Variants in WDR72 observed in about 807,000 individuals in gnomAD.
WDR72 encodes WD repeat domain 72.
A neutral mutation model predicts 124.2 loss-of-function variants in WDR72; 120 were observed. The ratio of observed to expected loss-of-function variants is 0.97; its 90% CI spans 0.83 to 1.12. WDR72 has a LOEUF of 1.12. Ranked by LOEUF, WDR72 falls within the 50% of genes most tolerant of loss-of-function variation. WDR72 has a pLI of 0.00. For missense variants in WDR72, 1,387 were observed against 1,278.8 expected, an observed-to-expected ratio of 1.08 and a Z score of -1.29; for synonymous variants, 452 against 441.7, an observed-to-expected ratio of 1.02 and a Z score of -0.29.
chr15:53,641,032 C>T (rs114704839), intron 14 of WDR72, among the ~76,000 whole-genome samples: 2,630 of 151,590 alleles, frequency 0.017, 80 homozygotes, highest in African/African-American at 0.061. Flanking sequence ...AATTTTGCCT[C>T]TTAGATCTTT....
chr15:53,657,695 A>G lies in WDR72; in HGVS notation c.1962+7877T>C, dbSNP rs151276037. Among the ~76,000 whole-genome samples the G allele has an allele frequency of 1.0e-3, 153 of 152,306 alleles. 1 individual carries two copies. In the East Asian group the frequency reaches 0.025, roughly 25 times the overall value. ...CTAAGTTTAGTACTAAATAAATGATATAAATATTTATTCACTGAAAAATCT... is the reference window on the plus strand; with the variant it reads ...CTAAGTTTAGTACTAAATAAATGATGTAAATATTTATTCACTGAAAAATCT... On this transcript the variant is annotated intron_variant, in intron 14 of 19. Coordinates refer to ENST00000360509, the MANE Select transcript of WDR72 (RefSeq NM_182758.4).
chr15:53,712,657 G>T, intron 7 of WDR72, 115 bp downstream of exon 7: 1 of 1,081,340 alleles, frequency 9.2e-7, no homozygotes, highest in Non-Finnish European at 1.3e-6. Flanking sequence ...TCCATGTTCT[G>T]GTAATACTAT....
rs1268925210 is a variant in WDR72, at chr15:53,705,156, A to T, written c.1180T>A (p.Tyr394Asn). 6.8e-6 allele frequency: 11 copies of T among 1,614,020 alleles called. No homozygotes were observed. The highest frequency in any genetic ancestry group is 2.7e-5 in the African/African-American group (2 of 74,936). The stretch of plus-strand genomic sequence containing the variant: ...GCCCCATCTTTAAGCCCAGAGAAAT[A>T]GTCAATAATACTTTGTGACATAGTA... ...HDTMSQSIID[Y>N]FSGLKDGAGT... The change falls in exon 11 of 20, where the codon TAT (tyrosine) becomes AAT (asparagine). Residue 394 changes from tyrosine to asparagine, a missense_variant. Physicochemically the swap from Tyr to Asn is moderately radical, Grantham distance 143. Transcript: ENST00000360509.
chr15:53,695,964 C>T (rs369632710), intron 13 of WDR72, among the ~76,000 whole-genome samples: 7 of 152,286 alleles, frequency 4.6e-5, no homozygotes, highest in Non-Finnish European at 7.3e-5. Context: ...ACTCCCCAAG[C>T]TCCCACCAAG....
rs373781318 is a variant in WDR72, at chr15:53,740,762, A to C, written c.-12-7601T>G. 1.7e-4 allele frequency among the ~76,000 whole-genome samples: 26 copies of C among 152,310 alleles called. No homozygotes were observed. In the East Asian group the frequency reaches 4.1e-3, roughly 24 times the overall value. ...ATTATTTTTAAGCTCTGTATACCAA[A>C]AGAGAGGGAGTGGATTAAGAGTGTA... is the stretch of plus-strand genomic sequence containing the variant. On this transcript the variant is annotated intron_variant, in intron 1 of 19. Transcript: ENST00000360509.
chr15:53,748,753 T>A (rs113971421), intron 1 of WDR72, among the ~76,000 whole-genome samples: 4 of 152,348 alleles, frequency 2.6e-5, no homozygotes, highest in African/African-American at 7.2e-5. Context: ...ATATCCATAC[T>A]AGTCTCCTCT....
chr15:53,663,023 C>T (rs1454595994), intron 14 of WDR72, among the ~76,000 whole-genome samples: 2 of 151,318 alleles, frequency 1.3e-5, no homozygotes, highest in Non-Finnish European at 2.9e-5. Flanking sequence ...GGGCTATGAT[C>T]GTGCCACTGC....
At chr15:53,605,042 T>C (rs946860681) in intron 17 of WDR72, among the ~76,000 whole-genome samples, 1 of 152,166 alleles carries the variant, frequency 6.6e-6, no homozygotes, top group Non-Finnish European at 1.5e-5. Context: ...TGAACATGTA[T>C]GTTCATTGCA....
At position 53,515,004 on chromosome 15, in the gene WDR72, A is replaced by G. The variant is rs1286368845; in HGVS notation, c.*2695T>C. 2.4e-5 allele frequency: 1 copy of G among 40,928 alleles called. No homozygotes were observed. Among genetic ancestry groups the G allele is most frequent in the Non-Finnish European group, 6.6e-5 (1 of 15,162 alleles). 2.5% of individuals were successfully genotyped at this position (40,928 alleles called of 1,614,324 possible). A position where few individuals can be genotyped will look rare whatever the true frequency, so the allele number is the denominator to read the frequency against. On this transcript the variant is annotated 3_prime_UTR_variant, in exon 20 of 20. Coordinates refer to ENST00000360509, the MANE Select transcript of WDR72 (RefSeq NM_182758.4). ...AAAATATGATATTCCTTTGGGGGAT[A>G]TGCCATATATATATATATATACACA...
intron 17 of WDR72, among the ~76,000 whole-genome samples, chr15:53,603,868 G>A (rs1199084861): frequency 6.6e-6 from 1 of 152,142 alleles, no homozygotes; most frequent in East Asian, 1.9e-4. Flanking sequence ...CCATGTTCAT[G>A]AATAGGAAGA....
intron 1 of WDR72, among the ~76,000 whole-genome samples, chr15:53,747,375 G>A (rs1398329668): frequency 2.6e-5 from 4 of 152,038 alleles, no homozygotes; most frequent in Admixed American, 6.6e-5. Flanking sequence ...CAACATCAAC[G>A]CCAAGCTCCT....
In WDR72 at chr15:53,710,902, G is replaced by T. The variant is rs2017514799; in HGVS notation, c.909C>A (p.Thr303=). 6.2e-7 allele frequency: 1 copy of T among 1,613,690 alleles called. No individual in the cohort carries two copies. Among genetic ancestry groups the T allele is most frequent in the Non-Finnish European group, 8.5e-7 (1 of 1,179,860 alleles). ...TAGAGCACAGTAAATGAGGATAAAT[G>T]GTCTCTTTAAGCACTCTTCCATCAG... ...YPADGRVLKE[T]IYPHLLCSTS... is the part of the protein sequence containing the mutation. Residue 303 remains threonine (T), a synonymous_variant, in exon 9 of 20, where the codon ACC becomes ACA. Transcript: ENST00000360509.
chr15:53,597,212 T>C lies in WDR72; in HGVS notation c.3015A>G (p.Gly1005=). 6.2e-7 allele frequency: 1 copy of C among 1,613,866 alleles called. No homozygotes were observed. The highest frequency in any genetic ancestry group is 8.5e-7 in the Non-Finnish European group (1 of 1,179,856). ...CTGGTTGACTATTGACGGGTATCTT[T>C]CCCAAACTCTTCATGTGTTGTTGAA... is the stretch of plus-strand genomic sequence containing the variant. ...AEVQQHMKSL[G]KIPVNSQPVS... The change falls in exon 18 of 20, where the codon GGA becomes GGG. Residue 1005 remains glycine (G), a synonymous_variant. Transcript: ENST00000360509.
chr15:53,743,065 C>T (rs1290534383), intron 1 of WDR72, among the ~76,000 whole-genome samples: 2 of 152,070 alleles, frequency 1.3e-5, no homozygotes, highest in Non-Finnish European at 2.9e-5. Flanking sequence ...CTTCAGGAAG[C>T]TCACAGCCAG....
chr15:53,634,841 G>A (rs568272919), intron 14 of WDR72, among the ~76,000 whole-genome samples: 1 of 152,296 alleles, frequency 6.6e-6, no homozygotes, highest in Admixed American at 6.5e-5. Flanking sequence ...GAATGGGTAG[G>A]GGGACTGAAT....
intron 14 of WDR72, among the ~76,000 whole-genome samples, chr15:53,627,577 A>G (rs2014261359): frequency 1.3e-5 from 2 of 152,204 alleles, no homozygotes; most frequent in African/African-American, 4.8e-5. Context: ...AAACTAACTC[A>G]GAAGCTTCAA....
chr15:53,636,958 C>T (rs1209134130), intron 14 of WDR72, among the ~76,000 whole-genome samples: 1 of 152,066 alleles, frequency 6.6e-6, no homozygotes, highest in Non-Finnish European at 1.5e-5. Flanking sequence ...CAGCCCTCAC[C>T]ATAATTAAGT....
intron 14 of WDR72, among the ~76,000 whole-genome samples, chr15:53,629,891 T>C (rs1003984328): frequency 7.2e-5 from 11 of 152,170 alleles, no homozygotes; most frequent in African/African-American, 2.4e-4. Flanking sequence ...AAATTGGCAA[T>C]ATTTCACCTG....
intron 18 of WDR72, among the ~76,000 whole-genome samples, chr15:53,542,604 G>A (rs555402662): frequency 6.2e-5 from 1 of 16,258 alleles, no homozygotes; most frequent in East Asian, 1.5e-3. Flanking sequence ...AAAATCACCA[G>A]CTAACATCAT....
Sources: allele counts gnomAD v4.1 joint callset (sites outside exome capture counted in the v4.1 genomes callset), GRCh38; gene constraint gnomAD v4.1.1; transcripts MANE v1.5; gene names NCBI Gene and HGNC (gene_info 2026-07-23, HGNC 2026-07-21).